The following MTR variants were observed in gnomAD, a reference collection of about 807,000 sequenced individuals.
The protein encoded by MTR is methionine synthase.
A neutral mutation model predicts 154.8 loss-of-function variants in MTR; 84 were observed. That is an observed-to-expected ratio of 0.54 (90% CI 0.45 to 0.65). The LOEUF is 0.65. Among genes scored for constraint, MTR ranks in the 30% least tolerant of loss-of-function variants. MTR has a pLI of 0.00. For missense variants in MTR, 1,275 were observed against 1,570.2 expected (o/e 0.81, Z 3.18); for synonymous variants, 554 against 553.9 (o/e 1.00, Z 0.00).
At chr1:236,861,799 A>G (rs1465612120) in intron 20 of MTR, among the ~76,000 whole-genome samples, 1 of 152,200 alleles carries the variant, frequency 6.6e-6, no homozygotes, top group East Asian at 1.9e-4. Context: ...GCTGTGCGGC[A>G]TTTGAGAAAC....
At chr1:236,812,999 A>G (rs1661390143) in intron 6 of MTR, among the ~76,000 whole-genome samples, 155 bp downstream of exon 6, 1 of 152,250 alleles carries the variant, frequency 6.6e-6, no homozygotes, top group Non-Finnish European at 1.5e-5. Context: ...TGAGGCCAGT[A>G]CAATAAGAAA....
chr1:236,823,018 T>C (rs143568839), intron 8 of MTR, among the ~76,000 whole-genome samples: 3 of 152,176 alleles, frequency 2.0e-5, no homozygotes, highest in Admixed American at 6.5e-5. Flanking sequence ...ATTCCTAGTT[T>C]GCTGAATTTT....
At chr1:236,848,078 A>T (rs936884561) in intron 15 of MTR, among the ~76,000 whole-genome samples, 14 of 152,200 alleles carry the variant, frequency 9.2e-5, no homozygotes, top group African/African-American at 3.1e-4. Context: ...TTAATGTGGC[A>T]CAGATACTGT....
chr1:236,866,583 G>A (rs1664835803), intron 22 of MTR, among the ~76,000 whole-genome samples: 2 of 152,210 alleles, frequency 1.3e-5, no homozygotes, highest in Non-Finnish European at 2.9e-5. Flanking sequence ...ACATGATTAA[G>A]TTTAGTGAGG....
chr1:236,883,792 T>C (rs1340629360), intron 25 of MTR, among the ~76,000 whole-genome samples: 1 of 152,192 alleles, frequency 6.6e-6, no homozygotes, highest in Non-Finnish European at 1.5e-5. Context: ...TTAGAGATAC[T>C]TAGAAAACCC....
chr1:236,806,146 A>G lies in MTR; in HGVS notation c.252A>G (p.Glu84=). Reference sequence around the variant, plus strand: ...GACATTATAATCTCTTGTTGCAGGAATACTTGCTGGCTGGGGCAGATATCA... The same window carrying G: ...GACATTATAATCTCTTGTTGCAGGAGTACTTGCTGGCTGGGGCAGATATCA... The part of the protein sequence containing the change: ...QPDVIYQIHK[E]YLLAGADIIE... The change falls in exon 3 of 33, where the codon GAA becomes GAG. Residue 84 remains glutamate, a splice_region_variant and synonymous_variant. Transcript: ENST00000366577. 1 of 1,613,788 alleles carries G rather than the reference A, an allele frequency of 6.2e-7. No individual in the cohort carries two copies. Among genetic ancestry groups the G allele is most frequent in the South Asian group, 1.1e-5 (1 of 91,068 alleles).
intron 3 of MTR, among the ~76,000 whole-genome samples, chr1:236,807,782 G>A (rs1012933027): frequency 2.6e-5 from 4 of 152,112 alleles, no homozygotes; most frequent in Non-Finnish European, 5.9e-5. Flanking sequence ...GTTGGCCAAC[G>A]TTTTTTAATA....
chr1:236,868,812 C>T (rs927269757), intron 22 of MTR, among the ~76,000 whole-genome samples: 2 of 152,134 alleles, frequency 1.3e-5, no homozygotes, highest in African/African-American at 2.4e-5. Context: ...AATGTTGGAA[C>T]GTTCAGCTGA....
At position 236,880,893 on chromosome 1, in the gene MTR, T is replaced by C; in HGVS notation, c.2676+57T>C. On this transcript the variant is annotated intron_variant, in intron 25 of 32. Transcript: ENST00000366577. ...TGTGTTGGAAAGCTTGCATTACAAG[T>C]AAGGGTTTAACTTAAGATCTATTCA... is the stretch of plus-strand genomic sequence containing the variant. The C allele has an allele frequency of 2.0e-6, 3 of 1,474,878 alleles. No individual in the cohort carries two copies. In the South Asian group the frequency reaches 3.4e-5, roughly 17 times the overall value. The allele number at this position is 1,474,878 out of a possible 1,614,324, so 91.4% of individuals were successfully genotyped here.
At chr1:236,846,861 A>G (rs1663606753) in intron 15 of MTR, among the ~76,000 whole-genome samples, 1 of 151,622 alleles carries the variant, frequency 6.6e-6, no homozygotes, top group Admixed American at 6.6e-5. Context: ...ATCCGTTTCC[A>G]TCACTTCTGT....
Position 236,850,331 on chromosome 1 carries a change from C to G in MTR, c.1516-13C>G. The G allele has an allele frequency of 6.2e-7, 1 of 1,604,652 alleles. No individual in the cohort carries two copies. The highest frequency in any genetic ancestry group is 1.1e-5 in the South Asian group (1 of 89,762). ...TTTCTATTTCAAACTACATCTTTTG[C>G]TCTTTTCCCTAGGCAACAGAAACAG... On this transcript the variant is annotated splice_polypyrimidine_tract_variant and intron_variant, in intron 15 of 32. Transcript: ENST00000366577.
At chr1:236,848,834 C>A (rs1369172977) in intron 15 of MTR, among the ~76,000 whole-genome samples, 1 of 152,180 alleles carries the variant, frequency 6.6e-6, no homozygotes, top group Non-Finnish European at 1.5e-5. Context: ...AGTAAGTGAT[C>A]AAAAGGCTAG....
At chr1:236,882,391 A>AT (rs34832362) in intron 25 of MTR, among the ~76,000 whole-genome samples, 1,479 of 134,398 alleles carry the variant, frequency 0.011, 26 homozygotes, top group African/African-American at 0.029. Flanking sequence ...CCCCTTCACC[A>AT]TTTTTTTTTT....
chr1:236,800,367 GCT>G (rs1343615019), intron 1 of MTR: 1 of 985,220 alleles, frequency 1.0e-6, no homozygotes, highest in Non-Finnish European at 1.2e-6. Context: ...CACACCTCAT[GCT>G]CACACTAGGC....
intron 1 of MTR, chr1:236,800,409 G>C: frequency 3.0e-6 from 3 of 985,364 alleles, no homozygotes; most frequent in Non-Finnish European, 3.6e-6. Flanking sequence ...TTAAGTTCAC[G>C]TGATGTCATT....
chr1:236,838,532 A>T lies in MTR; in HGVS notation c.1448A>T (p.Glu483Val). The T allele has an allele frequency of 6.2e-7, 1 of 1,614,102 alleles. No individual in the cohort carries two copies. The highest frequency in any genetic ancestry group is 2.2e-5 in the East Asian group (1 of 44,868). Residue 483 changes from glutamate to valine, a missense_variant, in exon 15 of 33, where the codon GAG (glutamate) becomes GTG (valine). Physicochemically the swap from Glu to Val is moderately radical, Grantham distance 121. Transcript: ENST00000366577. ...AAGGAAGGAGAGGACGACTTCTTGGAGAAGGCCAGGAAGATTAAAAAGTAT... is the reference window on the plus strand; with the variant it reads ...AAGGAAGGAGAGGACGACTTCTTGGTGAAGGCCAGGAAGATTAAAAAGTAT... ...SLKEGEDDFL[E>V]KARKIKKYGA...
intron 16 of MTR, among the ~76,000 whole-genome samples, chr1:236,851,449 ACATGAATTATAGTGC>A (rs144498907): frequency 0.031 from 4,697 of 152,310 alleles, 232 homozygotes; most frequent in African/African-American, 0.11. Context: ...CTTTGTTCAG[ACATGAATTATAGTGC>A]CATTGGCTGT....
At chr1:236,830,779 A>G (rs779845979) in intron 12 of MTR, among the ~76,000 whole-genome samples, 1 of 152,196 alleles carries the variant, frequency 6.6e-6, no homozygotes, top group Non-Finnish European at 1.5e-5. Flanking sequence ...CATGAGGATC[A>G]TTGCCAGATG....
chr1:236,871,346 G>T (rs192866251), intron 22 of MTR, among the ~76,000 whole-genome samples: 1 of 151,904 alleles, frequency 6.6e-6, no homozygotes, highest in Non-Finnish European at 1.5e-5. Flanking sequence ...ATCCTTCTCC[G>T]TTTCTGTTCC....
Sources: gnomAD v4.1 joint callset for allele counts (sites outside exome capture counted in the v4.1 genomes callset) on GRCh38, gnomAD v4.1.1 for gene constraint, MANE v1.5 for transcripts, NCBI Gene and HGNC (gene_info 2026-07-23, HGNC 2026-07-21) for gene names.